ITFG2: variants seen among roughly 807,000 people sequenced by gnomAD.
ITFG2 encodes the protein KICSTOR complex protein ITFG2.
A neutral mutation model predicts 54.4 loss-of-function variants in ITFG2; 36 were observed. The ratio of observed to expected loss-of-function variants is 0.66; its 90% CI spans 0.51 to 0.87. ITFG2 has a LOEUF of 0.87. Among genes scored for constraint, ITFG2 ranks in the 40% least tolerant of loss-of-function variants. ITFG2 has a pLI of 0.00. For synonymous variants in ITFG2, 211 were observed against 225.4 expected, an observed-to-expected ratio of 0.94 and a Z score of 0.57; for missense variants, 524 against 576.7, an observed-to-expected ratio of 0.91 and a Z score of 0.94.
At chr12:2,828,408 C>G (rs770766297), downstream of ITFG2, 2 of 1,613,888 alleles carry the variant, frequency 1.2e-6, no homozygotes, top group Admixed American at 3.3e-5. Flanking sequence ...AGCAGCTGGT[C>G]CTGGCACTAA....
chr12:2,849,370 G>A lies in ITFG2; in HGVS notation n.300+8375G>A, dbSNP rs748387415. ...CCTTATGAGGTCCTGGCTCAGGGGC[G>A]CGCTGGGCAGCAAGGCCAGCTTTAG... On this transcript the variant is annotated intron_variant and non_coding_transcript_variant, in intron 2 of 3. Transcript: ENST00000537710. 55 of 1,536,060 alleles carry A rather than the reference G, an allele frequency of 3.6e-5. No individual in the cohort carries two copies. The African/African-American group carries it at 4.1e-4, about 11-fold the overall frequency.
chr12:2,823,697 G>A (rs1404992747), intron 10 of ITFG2, 73 bp from the exon 11 acceptor site: 13 of 1,482,558 alleles, frequency 8.8e-6, no homozygotes, highest in Non-Finnish European at 1.2e-5. Flanking sequence ...TCGGAGGTCT[G>A]TGTCTTGCTG....
rs750913066 is a variant in ITFG2 at position 2,822,795 on chromosome 12, G to A, written c.950G>A (p.Gly317Asp). 7 of 1,613,042 alleles carry A rather than the reference G, an allele frequency of 4.3e-6. No individual in the cohort carries two copies. The highest frequency in any genetic ancestry group is 2.2e-5 in the South Asian group (2 of 90,990). ...CCTTTTGTCTCTGTCCTTTTTCAGGGCAACGGGCATGAGGAGGTAGTTGCA... is the reference window on the plus strand; with the variant it reads ...CCTTTTGTCTCTGTCCTTTTTCAGGACAACGGGCATGAGGAGGTAGTTGCA... Reference protein sequence around the residue: ...LFALEKLDVTGNGHEEVVACA... With the variant: ...LFALEKLDVTDNGHEEVVACA... The change falls in exon 10 of 12, where the codon GGC (glycine) becomes GAC (aspartate). Residue 317 changes from glycine (G) to aspartate (D), a missense_variant and splice_region_variant. Physicochemically the swap from Gly to Asp is moderately conservative, Grantham distance 94. Transcript: ENST00000228799.
intron 3 of ITFG2, 71 bp from the exon 4 acceptor site, chr12:2,818,035 G>A (rs2097927767): frequency 6.2e-7 from 1 of 1,609,174 alleles, no homozygotes; most frequent in Non-Finnish European, 8.5e-7. Flanking sequence ...TGACCTCTGT[G>A]ATCTGATGAT....
At chr12:2,814,297 A>G (rs953915338) in intron 1 of ITFG2, among the ~76,000 whole-genome samples, 16 of 152,110 alleles carry the variant, frequency 1.1e-4, no homozygotes, top group Non-Finnish European at 1.6e-4. Flanking sequence ...ATTATTTTCC[A>G]TTTTATCTGA....
At chr12:2,840,649 G>C (rs895009881) in intron 1 of ITFG2, among the ~76,000 whole-genome samples, 1 of 151,984 alleles carries the variant, frequency 6.6e-6, no homozygotes, top group African/African-American at 2.4e-5. Context: ...AGCCGGGCGA[G>C]GTGGCGGGCG....
chr12:2,815,545 T>C (rs1264842393), intron 1 of ITFG2, among the ~76,000 whole-genome samples: 1 of 152,234 alleles, frequency 6.6e-6, no homozygotes, highest in Non-Finnish European at 1.5e-5. Flanking sequence ...TCAAAAGGCC[T>C]TGCTAGAGGA....
chr12:2,822,620 C>T (rs1316471432), intron 9 of ITFG2, among the ~76,000 whole-genome samples, 174 bp from the exon 10 acceptor site: 1 of 152,082 alleles, frequency 6.6e-6, no homozygotes. Context: ...GAGGTTTCCT[C>T]AGTATAAAAT....
downstream of ITFG2, chr12:2,826,865 A>G: frequency 1.9e-6 from 1 of 513,164 alleles, no homozygotes; most frequent in Non-Finnish European, 2.9e-6. Flanking sequence ...GGACAAGGAC[A>G]GCAGTCAGCA....
At chr12:2,853,166 G>A (rs747933275) in intron 2 of ITFG2, among the ~76,000 whole-genome samples, 1 of 152,176 alleles carries the variant, frequency 6.6e-6, no homozygotes, top group Non-Finnish European at 1.5e-5. Context: ...CTTTGCCAGG[G>A]TCAGCACCTA....
chr12:2,834,921 G>T, upstream of ITFG2: 1 of 1,612,622 alleles, frequency 6.2e-7, no homozygotes. Flanking sequence ...TCTGTCCCGT[G>T]CTGCAGCTCT....
At chr12:2,859,034 T>C (rs774045890) in intron 3 of ITFG2, 8 of 1,610,332 alleles carry the variant, frequency 5.0e-6, no homozygotes, top group Non-Finnish European at 5.9e-6. Context: ...CCAGTCCCCC[T>C]ACTTTGGCTG....
At chr12:2,820,316 C>A in intron 5 of ITFG2, 91 bp downstream of exon 5, 1 of 1,415,724 alleles carries the variant, frequency 7.1e-7, no homozygotes, top group Non-Finnish European at 9.4e-7. Flanking sequence ...TGGGACAGGG[C>A]CAGGGTGGGG....
At chr12:2,832,392 T>C (rs769648760), upstream of ITFG2, among the ~76,000 whole-genome samples, 1 of 152,050 alleles carries the variant, frequency 6.6e-6, no homozygotes, top group Non-Finnish European at 1.5e-5. Flanking sequence ...GGCCGCTTTT[T>C]GCCTCCATGT....
intron 2 of ITFG2, among the ~76,000 whole-genome samples, chr12:2,854,659 C>T (rs1328427441): frequency 6.6e-6 from 1 of 152,200 alleles, no homozygotes; most frequent in African/African-American, 2.4e-5. Context: ...TCCCCAGTGC[C>T]TACCAGGTGT....
downstream of ITFG2, chr12:2,827,978 C>G (rs759506503): frequency 5.6e-6 from 9 of 1,614,248 alleles, no homozygotes; most frequent in Non-Finnish European, 7.6e-6. The surrounding 1 kb of genome is among the most constrained non-coding windows in gnomAD (Gnocchi z 4.0). Flanking sequence ...GTAGCTCCAA[C>G]TGCTCCACCT....
upstream of ITFG2, chr12:2,835,156 C>CGTGTGTGTGT (rs1404966974): frequency 4.1e-5 from 53 of 1,299,590 alleles, 5 homozygotes; most frequent in African/African-American, 8.3e-4. Context: ...GTGGATGGGG[C>CGTGTGTGTGT]GTATGTGTGT....
intron 2 of ITFG2, chr12:2,857,549 T>TC (rs1218832732): frequency 6.4e-6 from 1 of 157,052 alleles, no homozygotes; most frequent in African/African-American, 2.4e-5. Flanking sequence ...GTGCAAGTGC[T>TC]CCAACTGCTG....
intron 1 of ITFG2, among the ~76,000 whole-genome samples, chr12:2,837,946 G>T (rs2098032547): frequency 6.6e-6 from 1 of 152,212 alleles, no homozygotes; most frequent in Non-Finnish European, 1.5e-5. Context: ...TGTGCCTAAA[G>T]GAGAATACTG....
Sources: allele counts gnomAD v4.1 joint callset (sites outside exome capture counted in the v4.1 genomes callset), GRCh38; gene constraint gnomAD v4.1.1; non-coding constraint Gnocchi (gnomAD v3.1); transcripts MANE v1.5; gene names NCBI Gene and HGNC (gene_info 2026-07-23, HGNC 2026-07-21).